Variants in PRKCH observed in about 807,000 individuals in gnomAD.
The protein encoded by PRKCH is protein kinase C eta type.
Under a neutral mutation model 82.5 loss-of-function variants are expected in PRKCH, and 28 were observed. The observed-to-expected ratio is 0.34, with a 90% CI of 0.25 to 0.47. The LOEUF (loss-of-function observed/expected upper bound fraction) is 0.47. PRKCH is among the 20% of genes least tolerant of loss of function. The pLI, the probability that PRKCH is intolerant of heterozygous loss-of-function variation, is 1.00. For missense variants in PRKCH, 705 were observed against 881.8 expected, an observed-to-expected ratio of 0.80 and a Z score of 2.54; for synonymous variants, 322 against 327.4, an observed-to-expected ratio of 0.98 and a Z score of 0.18.
chr14:61,512,430 T>G (rs568416895), intron 10 of PRKCH, among the ~76,000 whole-genome samples: 55 of 152,144 alleles, frequency 3.6e-4, no homozygotes, highest in Non-Finnish European at 7.5e-4. Context: ...ACCAGCCGAT[T>G]CCTAGTAAAA....
chr14:61,220,376 A>G (rs1452176234), intron 1 of PRKCH, among the ~76,000 whole-genome samples: 1 of 152,232 alleles, frequency 6.6e-6, no homozygotes, highest in Non-Finnish European at 1.5e-5. Flanking sequence ...ATTAGATTGG[A>G]TGAAGGAAAG....
At chr14:61,251,708 G>A (rs1486991961) in intron 1 of PRKCH, among the ~76,000 whole-genome samples, 2 of 152,086 alleles carry the variant, frequency 1.3e-5, no homozygotes, top group African/African-American at 4.8e-5. Flanking sequence ...CTTTCCTTTG[G>A]GTACATACCC....
At position 61,541,372 on chromosome 14, in the gene PRKCH, T is replaced by C. The variant is rs74869129; in HGVS notation, c.1762-6371T>C. ...CGTCATGGCTGTGAACCGCACTCTATTCTGTGTCCTGTGCTCTTTCTCTGC... is the reference window on the plus strand; with the variant it reads ...CGTCATGGCTGTGAACCGCACTCTACTCTGTGTCCTGTGCTCTTTCTCTGC... On this transcript the variant is annotated intron_variant, in intron 12 of 13. Coordinates refer to ENST00000332981, the MANE Select transcript of PRKCH (RefSeq NM_006255.5). 2.6e-3 allele frequency among the ~76,000 whole-genome samples: 401 copies of C among 152,338 alleles called. 4 individuals are homozygous for C. In the East Asian group the frequency reaches 0.037, roughly 14 times the overall value.
chr14:61,435,909 T>A (rs1425550725), intron 2 of PRKCH, among the ~76,000 whole-genome samples: 3 of 152,130 alleles, frequency 2.0e-5, no homozygotes, highest in Non-Finnish European at 4.4e-5. Flanking sequence ...AAGACGATTA[T>A]AGAGAGAAGA....
intron 1 of PRKCH, among the ~76,000 whole-genome samples, chr14:61,300,194 T>C (rs1433546475): frequency 7.9e-6 from 1 of 127,128 alleles, no homozygotes; most frequent in Non-Finnish European, 1.8e-5. Context: ...TATCTAATCT[T>C]TTTGTTTTGT....
At chr14:61,395,148 C>T (rs753707762) in intron 2 of PRKCH, among the ~76,000 whole-genome samples, 1 of 152,066 alleles carries the variant, frequency 6.6e-6, no homozygotes, top group Non-Finnish European at 1.5e-5. Context: ...TGTCTCTGTG[C>T]GTGCATTGCT....
rs186869552 is a variant in PRKCH at position 61,340,667 on chromosome 14, G to A, written c.363+18203G>A. ...TCTCACCCGAGGAAACTGTGGCTTA[G>A]ACAGGCCCGATATCAGGTCCAGGGT... On this transcript the variant is annotated intron_variant, in intron 1 of 13. Transcript: ENST00000332981. 4.3e-4 allele frequency among the ~76,000 whole-genome samples: 65 copies of A among 152,340 alleles called. No individual in the cohort carries two copies. The East Asian group carries it at 0.013, about 29-fold the overall frequency.
intron 10 of PRKCH, among the ~76,000 whole-genome samples, chr14:61,500,813 G>C (rs901870590): frequency 2.4e-4 from 36 of 152,110 alleles, no homozygotes; most frequent in African/African-American, 8.7e-4. Flanking sequence ...CTGAGCACGG[G>C]GGTGGGATGG....
At chr14:61,461,605 G>T (rs1478703479) in intron 9 of PRKCH, among the ~76,000 whole-genome samples, 2 of 152,180 alleles carry the variant, frequency 1.3e-5, no homozygotes, top group African/African-American at 4.8e-5. Flanking sequence ...TCTTGCAGCA[G>T]CAATGGTTCC....
chr14:61,428,112 C>CACAT (rs1391102641), intron 2 of PRKCH, among the ~76,000 whole-genome samples: 18 of 145,520 alleles, frequency 1.2e-4, no homozygotes, highest in African/African-American at 4.0e-4. Context: ...TATATACACA[C>CACAT]ATATATATAT....
At chr14:61,530,636 A>G in intron 12 of PRKCH, 41 bp downstream of exon 12, 1 of 1,539,310 alleles carries the variant, frequency 6.5e-7, no homozygotes, top group Non-Finnish European at 8.8e-7. Context: ...TGTATTGCAA[A>G]CCAGCTTGTT....
rs994569255 is a variant in PRKCH, at chr14:61,428,481, T to G, written c.428-14630T>G. Among the ~76,000 whole-genome samples the G allele has an allele frequency of 3.3e-5, 5 of 152,266 alleles. No homozygotes were observed. In the South Asian group the frequency reaches 8.3e-4, roughly 25 times the overall value. ...TCCCCTTGGTTGAGAAGGGGTCCAT[T>G]CAGTCAGTAGGGGGAGCTTAAAATT... On this transcript the variant is annotated intron_variant, in intron 2 of 13. Coordinates refer to ENST00000332981, the MANE Select transcript of PRKCH (RefSeq NM_006255.5).
At chr14:61,425,012 G>A (rs1038295282) in intron 2 of PRKCH, among the ~76,000 whole-genome samples, 2 of 152,260 alleles carry the variant, frequency 1.3e-5, no homozygotes, top group Non-Finnish European at 2.9e-5. Flanking sequence ...GTATACAAAA[G>A]TCAAGAATTG....
At chr14:61,386,961 A>G (rs2046597261) in intron 1 of PRKCH, among the ~76,000 whole-genome samples, 1 of 152,218 alleles carries the variant, frequency 6.6e-6, no homozygotes, top group African/African-American at 2.4e-5. Context: ...AGAATCAAGC[A>G]AGGCTTGATC....
chr14:61,235,653 C>G (rs1360122947), intron 1 of PRKCH, among the ~76,000 whole-genome samples: 2 of 152,240 alleles, frequency 1.3e-5, no homozygotes, highest in Non-Finnish European at 2.9e-5. Flanking sequence ...GATGCAACCA[C>G]TTTACATAAA....
chr14:61,504,675 T>C (rs1477736605), intron 10 of PRKCH, among the ~76,000 whole-genome samples: 1 of 152,218 alleles, frequency 6.6e-6, no homozygotes, highest in Non-Finnish European at 1.5e-5. Flanking sequence ...TCTCCTCTCG[T>C]TCAGAAATAG....
At chr14:61,323,834 T>A (rs772470497) in intron 1 of PRKCH, among the ~76,000 whole-genome samples, 1 of 152,214 alleles carries the variant, frequency 6.6e-6, no homozygotes, top group African/African-American at 2.4e-5. Flanking sequence ...GGAAATGAAA[T>A]AGAAGTGAGT....
At chr14:61,489,348 A>C (rs1329828215) in intron 10 of PRKCH, among the ~76,000 whole-genome samples, 1 of 152,240 alleles carries the variant, frequency 6.6e-6, no homozygotes, top group Non-Finnish European at 1.5e-5. Context: ...ATGATACCAT[A>C]TGCAAGTCAC....
chr14:61,526,819 G>C (rs1288946151), intron 10 of PRKCH, among the ~76,000 whole-genome samples: 2 of 152,272 alleles, frequency 1.3e-5, no homozygotes, highest in East Asian at 1.9e-4. Context: ...GGCCATGGCA[G>C]CCTCCCACAA....
Sources: gnomAD v4.1 joint callset for allele counts (sites outside exome capture counted in the v4.1 genomes callset) on GRCh38, gnomAD v4.1.1 for gene constraint, MANE v1.5 for transcripts, NCBI Gene and HGNC (gene_info 2026-07-23, HGNC 2026-07-21) for gene names.